TBC1D31: variants seen among roughly 807,000 people sequenced by gnomAD.
TBC1D31 encodes the protein TBC1 domain family member 31.
TBC1D31 carries 99 observed loss-of-function variants against 132.9 expected under a neutral mutation model. The observed-to-expected ratio is 0.74, with a 90% CI of 0.63 to 0.88. The LOEUF (loss-of-function observed/expected upper bound fraction) is 0.88, where lower values mean the gene tolerates loss of function less well. Ranked by LOEUF, TBC1D31 falls within the 40% of genes least tolerant of loss-of-function variation. TBC1D31 has a pLI of 0.00. For missense variants in TBC1D31, 1,134 were observed against 1,256.6 expected, an observed-to-expected ratio of 0.90 and a Z score of 1.48; for synonymous variants, 385 against 419.4, an observed-to-expected ratio of 0.92 and a Z score of 1.00.
At chr8:123,151,273 TA>T (rs1822747063) in intron 21 of TBC1D31, among the ~76,000 whole-genome samples, 1 of 152,186 alleles carries the variant, frequency 6.6e-6, no homozygotes, top group South Asian at 2.1e-4. Context: ...TAAGGGCTTT[TA>T]AAAAAAATTT....
At chr8:123,129,903 T>C (rs1649134174) in intron 15 of TBC1D31, among the ~76,000 whole-genome samples, 1 of 152,216 alleles carries the variant, frequency 6.6e-6, no homozygotes, top group African/African-American at 2.4e-5. Flanking sequence ...AGCCCAATAG[T>C]TGGGAAACTC....
At chr8:123,164,953 C>A in the TBC1D31 span, among the ~76,000 whole-genome samples, 1 of 152,138 alleles carries the variant, frequency 6.6e-6, no homozygotes, top group Non-Finnish European at 1.5e-5. Context: ...CTTTCCTTGC[C>A]AATACATAGA....
the TBC1D31 span, among the ~76,000 whole-genome samples, chr8:123,164,283 C>T: frequency 4.4e-3 from 673 of 152,288 alleles, 4 homozygotes; most frequent in African/African-American, 0.015. Flanking sequence ...ACATTTAAGG[C>T]CCCTGCTCTG....
chr8:123,151,783 A>G (rs1822795036), intron 21 of TBC1D31, 23 bp from the exon 22 acceptor site: 4 of 1,545,420 alleles, frequency 2.6e-6, no homozygotes, highest in Non-Finnish European at 3.5e-6. Context: ...CAGCTTTTCT[A>G]AATTTTAAAT....
chr8:123,152,142 G>T lies in TBC1D31; in HGVS notation c.*203G>T, dbSNP rs1247719472. The T allele has an allele frequency of 2.2e-6, 1 of 450,688 alleles. No individual in the cohort carries two copies. The highest frequency in any genetic ancestry group is 2.0e-5 in the African/African-American group (1 of 49,284). 27.9% of individuals were successfully genotyped at this position (450,688 alleles called of 1,614,324 possible). On this transcript the variant is annotated 3_prime_UTR_variant, in exon 22 of 22. Coordinates refer to ENST00000287380, the MANE Select transcript of TBC1D31 (RefSeq NM_145647.4). ...AACTTTTTACAATAAAAATGTTTTAGAAACTGTTAAAGCTGTGTTAAGCTT... is the reference window on the plus strand; with the variant it reads ...AACTTTTTACAATAAAAATGTTTTATAAACTGTTAAAGCTGTGTTAAGCTT...
chr8:123,153,497 T>C (rs749948706), downstream of TBC1D31, among the ~76,000 whole-genome samples: 42 of 152,236 alleles, frequency 2.8e-4, no homozygotes, highest in Non-Finnish European at 5.1e-4. Context: ...GAAGTTCTTT[T>C]TATCACATGC....
intron 17 of TBC1D31, among the ~76,000 whole-genome samples, chr8:123,135,713 C>T (rs1343987168): frequency 6.6e-6 from 1 of 152,160 alleles, no homozygotes; most frequent in Non-Finnish European, 1.5e-5. Flanking sequence ...CCATTTACAC[C>T]TATAACACTT....
intron 10 of TBC1D31, among the ~76,000 whole-genome samples, chr8:123,109,874 A>G (rs1295707338): frequency 6.7e-6 from 1 of 149,950 alleles, no homozygotes; most frequent in East Asian, 1.9e-4. Context: ...CGGGCAGATC[A>G]GCTGAGGTCA....
rs150116992 is a variant in TBC1D31, at chr8:123,136,299, CTGTCTT to C, written c.2499+2097_2499+2102del. On this transcript the variant is annotated intron_variant, in intron 17 of 21. Coordinates refer to ENST00000287380, the MANE Select transcript of TBC1D31 (RefSeq NM_145647.4). ...TTTAAAATAAGAAATGTTCGTGACT[CTGTCTT>C]TGTATTTTATGACATTGATATTTTT... Among the ~76,000 whole-genome samples, 1,259 of 152,304 alleles carry C rather than the reference CTGTCTT, an allele frequency of 8.3e-3. 13 individuals carry two copies. Among genetic ancestry groups the C allele is most frequent in the African/African-American group, 0.029 (1,223 of 41,564 alleles).
intron 4 of TBC1D31, among the ~76,000 whole-genome samples, chr8:123,091,733 G>A (rs148641226): frequency 6.6e-6 from 1 of 152,068 alleles, no homozygotes; most frequent in African/African-American, 2.4e-5. Context: ...TATATTCAAG[G>A]CCACTGAAAC....
Position 123,140,901 on chromosome 8 carries a change from G to C in TBC1D31, c.2640G>C (p.Lys880Asn). ...AAACCCAGAGCCAGAAAACTCAGAA[G>C]GTAAAAATATGATCCATTTAGTATA... ...AGETQSQKTQ[K>N]VIKENLAKAE... Residue 880 changes from lysine (K) to asparagine (N), a missense_variant and splice_region_variant, in exon 18 of 22, where the codon AAG (lysine) becomes AAC (asparagine). Transcript: ENST00000287380. 6.2e-7 allele frequency: 1 copy of C among 1,612,594 alleles called. No homozygotes were observed. The highest frequency in any genetic ancestry group is 8.5e-7 in the Non-Finnish European group (1 of 1,179,558).
chr8:123,082,981 T>C, intron 3 of TBC1D31, 164 bp downstream of exon 3: 1 of 576,262 alleles, frequency 1.7e-6, no homozygotes, highest in Non-Finnish European at 3.1e-6. Context: ...TCACTTTAGA[T>C]CAGTTGACTA....
downstream of TBC1D31, among the ~76,000 whole-genome samples, chr8:123,156,114 G>A (rs542965555): frequency 6.6e-6 from 1 of 152,136 alleles, no homozygotes; most frequent in Non-Finnish European, 1.5e-5. Flanking sequence ...TCCTTACCAG[G>A]ATAGTAAACC....
rs16898011 is a variant in TBC1D31 at position 123,125,768 on chromosome 8, G to A, written c.1571-288G>A. Among the ~76,000 whole-genome samples the A allele has an allele frequency of 8.2e-3, 1,255 of 152,258 alleles. 15 individuals carry two copies. Among genetic ancestry groups the A allele is most frequent in the African/African-American group, 0.029 (1,219 of 41,554 alleles). ...CGTTAATCAGGTGATGAACAAAGCAGGAGTCAGGAGCCAGAATGCCATCAG... is the reference window on the plus strand; with the variant it reads ...CGTTAATCAGGTGATGAACAAAGCAAGAGTCAGGAGCCAGAATGCCATCAG... On this transcript the variant is annotated intron_variant, in intron 11 of 21. Transcript: ENST00000287380.
At chr8:123,077,367 T>C in intron 2 of TBC1D31, 110 bp downstream of exon 2, 1 of 1,146,672 alleles carries the variant, frequency 8.7e-7, no homozygotes, top group Non-Finnish European at 1.2e-6. Flanking sequence ...AGTTCTATTA[T>C]ATTTCAGGTA....
chr8:123,073,212 C>G, intron 1 of TBC1D31: 1 of 469,954 alleles, frequency 2.1e-6, no homozygotes, highest in South Asian at 1.6e-5. Flanking sequence ...GCAGCTGGAG[C>G]AGAACTCCAG....
At chr8:123,160,196 A>G in the TBC1D31 span, among the ~76,000 whole-genome samples, 1 of 152,070 alleles carries the variant, frequency 6.6e-6, no homozygotes, top group Non-Finnish European at 1.5e-5. Context: ...CTGGGTTTTG[A>G]TGACTTTGAC....
At chr8:123,160,811 T>C in the TBC1D31 span, among the ~76,000 whole-genome samples, 1 of 152,184 alleles carries the variant, frequency 6.6e-6, no homozygotes, top group Non-Finnish European at 1.5e-5. Context: ...TTTCGCTCCG[T>C]AAAGTGTCTC....
At chr8:123,132,805 T>C (rs78638544) in intron 16 of TBC1D31, among the ~76,000 whole-genome samples, 2,313 of 152,286 alleles carry the variant, frequency 0.015, 51 homozygotes, top group African/African-American at 0.053. Flanking sequence ...TTTAAATTGG[T>C]TTTCAAAATC....
Sources: allele counts gnomAD v4.1 joint callset (sites outside exome capture counted in the v4.1 genomes callset), GRCh38; gene constraint gnomAD v4.1.1; transcripts MANE v1.5; gene names NCBI Gene and HGNC (gene_info 2026-07-23, HGNC 2026-07-21).